The following NEDD4 variants were observed in gnomAD, a reference collection of about 807,000 sequenced individuals.
The protein encoded by NEDD4 is NEDD4 E3 ubiquitin protein ligase.
In NEDD4, 99 loss-of-function variants were observed where a neutral mutation model predicts 144.9. The ratio of observed to expected loss-of-function variants is 0.68; its 90% confidence interval spans 0.58 to 0.81. The LOEUF (loss-of-function observed/expected upper bound fraction) is 0.81, where lower values mean the gene tolerates loss of function less well. Among genes scored for constraint, NEDD4 ranks in the 30% least tolerant of loss-of-function variants. The pLI, the probability that NEDD4 is intolerant of heterozygous loss-of-function variation, is 0.00. For synonymous variants in NEDD4, 318 were observed against 350.6 expected (o/e 0.91, Z 1.04); for missense variants, 985 against 1,065.9 (o/e 0.92, Z 1.06).
chr15:55,860,239 A>G (rs1219642197), intron 11 of NEDD4, among the ~76,000 whole-genome samples, 168 bp downstream of exon 11: 1 of 152,194 alleles, frequency 6.6e-6, no homozygotes, highest in Non-Finnish European at 1.5e-5. Flanking sequence ...CCATACTACT[A>G]ATGAGGATAT....
Position 55,834,165 on chromosome 15 carries a change from T to C in NEDD4, c.2323-20A>G. 1 of 1,610,474 alleles carries C rather than the reference T, an allele frequency of 6.2e-7. No individual in the cohort carries two copies. Among genetic ancestry groups the C allele is most frequent in the East Asian group, 2.2e-5 (1 of 44,832 alleles). ...AAGAAGCTACATAAGAAATGTCAAA[T>C]TATAAACAAGGAAAATAATGGGTTC... On this transcript the variant is annotated intron_variant, in intron 25 of 28. Transcript: ENST00000435532.
At position 55,861,216 on chromosome 15, in the gene NEDD4, G is replaced by T. The variant is rs572392727; in HGVS notation, c.675-438C>A. On this transcript the variant is annotated intron_variant, in intron 9 of 28. Coordinates refer to ENST00000435532, the MANE Select transcript of NEDD4 (RefSeq NM_006154.4). ...TTTTCTAGAATTGGTCTTAAGCCAG[G>T]AGTAGAGTACTCCATGCATGAATGT... Among the ~76,000 whole-genome samples, 3 of 152,294 alleles carry T rather than the reference G, an allele frequency of 2.0e-5. No individual in the cohort carries two copies. The South Asian group carries it at 6.2e-4, about 32-fold the overall frequency.
At chr15:55,901,171 A>G (rs1311385476) in intron 5 of NEDD4, among the ~76,000 whole-genome samples, 1 of 152,146 alleles carries the variant, frequency 6.6e-6, no homozygotes, top group East Asian at 1.9e-4. Context: ...TGGAGTACCT[A>G]TCCCCTCAAG....
chr15:55,874,827 A>G (rs2034931695), intron 5 of NEDD4, among the ~76,000 whole-genome samples: 1 of 152,134 alleles, frequency 6.6e-6, no homozygotes, highest in Non-Finnish European at 1.5e-5. Flanking sequence ...TACAAAAATT[A>G]GCCAGGTGTG....
At chr15:55,856,037 T>C (rs2034180252) in intron 12 of NEDD4, 94 bp downstream of exon 12, 1 of 1,092,860 alleles carries the variant, frequency 9.2e-7, no homozygotes, top group Non-Finnish European at 1.4e-6. Context: ...ATTGGCTCCC[T>C]GTAAGGCAAA....
intron 1 of NEDD4, among the ~76,000 whole-genome samples, chr15:55,975,234 C>T (rs545461826): frequency 2.0e-4 from 31 of 151,908 alleles, no homozygotes; most frequent in South Asian, 4.2e-4. Context: ...ACTGGAAGTC[C>T]TAGCTAGAGA....
intron 1 of NEDD4, among the ~76,000 whole-genome samples, chr15:55,970,353 A>G (rs2037587028): frequency 6.6e-6 from 1 of 152,148 alleles, no homozygotes; most frequent in Non-Finnish European, 1.5e-5. Flanking sequence ...CTGCACTGAA[A>G]AGAAAGACCC....
intron 5 of NEDD4, among the ~76,000 whole-genome samples, chr15:55,921,013 A>G (rs1366040189): frequency 1.3e-5 from 2 of 152,222 alleles, no homozygotes; most frequent in Admixed American, 6.5e-5. Flanking sequence ...ACTAAATGGT[A>G]TATCTTAGCT....
chr15:55,922,904 A>G (rs974623817), intron 5 of NEDD4, among the ~76,000 whole-genome samples: 2 of 152,140 alleles, frequency 1.3e-5, no homozygotes, highest in Non-Finnish European at 2.9e-5. Context: ...GCTTTTTTGT[A>G]TGTATATTTC....
At chr15:55,991,226 A>G (rs1324000612) in intron 1 of NEDD4, among the ~76,000 whole-genome samples, 3 of 152,172 alleles carry the variant, frequency 2.0e-5, no homozygotes, top group Non-Finnish European at 4.4e-5. Context: ...GCCTATTTCC[A>G]GACTAGTCTG....
chr15:55,879,603 G>T (rs2035112656), intron 5 of NEDD4, among the ~76,000 whole-genome samples: 1 of 152,076 alleles, frequency 6.6e-6, no homozygotes, highest in Non-Finnish European at 1.5e-5. Context: ...TGAAAGACGG[G>T]AGTCTGATGA....
In NEDD4 at chr15:55,877,127, A is replaced by C. The variant is rs1424544834; in HGVS notation, c.292-3119T>G. Among the ~76,000 whole-genome samples, 3 of 152,210 alleles carry C rather than the reference A, an allele frequency of 2.0e-5. No homozygotes were observed. In the East Asian group the frequency reaches 5.8e-4, roughly 29 times the overall value. On this transcript the variant is annotated intron_variant, in intron 5 of 28. Coordinates refer to ENST00000435532, the MANE Select transcript of NEDD4 (RefSeq NM_006154.4). ...CATCTTAAATAACCATATTATGATG[A>C]TCAAAACCAGAAATACTATTAACTA... is the stretch of plus-strand genomic sequence containing the variant.
chr15:55,861,870 G>A (rs28444575), intron 9 of NEDD4, among the ~76,000 whole-genome samples: 32,900 of 152,010 alleles, frequency 0.22, 3,867 homozygotes, highest in Non-Finnish European at 0.26. Flanking sequence ...TTACTGTACC[G>A]TAGCTAAAGA....
intron 5 of NEDD4, among the ~76,000 whole-genome samples, chr15:55,907,577 A>T (rs1473620121): frequency 3.3e-5 from 5 of 152,210 alleles, no homozygotes; most frequent in African/African-American, 1.2e-4. Context: ...AATACTTGTT[A>T]AACTCATTTG....
At chr15:55,974,448 G>A (rs185209887) in intron 1 of NEDD4, among the ~76,000 whole-genome samples, 30 of 151,980 alleles carry the variant, frequency 2.0e-4, no homozygotes, top group Non-Finnish European at 3.5e-4. Context: ...ATCAAAACCA[G>A]ACAAAGATCC....
intron 5 of NEDD4, among the ~76,000 whole-genome samples, chr15:55,901,912 AT>A (rs1254251762): frequency 6.6e-6 from 1 of 152,106 alleles, no homozygotes; most frequent in Non-Finnish European, 1.5e-5. Context: ...TGTTTCATAA[AT>A]TTTATATTAT....
chr15:55,968,451 G>A (rs1048120241), intron 1 of NEDD4, among the ~76,000 whole-genome samples: 2 of 151,868 alleles, frequency 1.3e-5, no homozygotes, highest in African/African-American at 4.8e-5. Context: ...AAAAAAACAA[G>A]GGGATATTTT....
At chr15:55,908,357 C>G (rs2036166309) in intron 5 of NEDD4, among the ~76,000 whole-genome samples, 1 of 152,190 alleles carries the variant, frequency 6.6e-6, no homozygotes, top group Non-Finnish European at 1.5e-5. Flanking sequence ...ATTGCCATAT[C>G]TCCATCTTTA....
chr15:55,840,611 A>C lies in NEDD4; in HGVS notation c.1955T>G (p.Leu652Trp), dbSNP rs761017280. The C allele has an allele frequency of 1.9e-6, 3 of 1,614,110 alleles. No individual in the cohort carries two copies. The South Asian group carries it at 3.3e-5, about 18-fold the overall frequency. Residue 652 changes from leucine (L) to tryptophan (W), a missense_variant, in exon 20 of 29, where the codon TTG (leucine) becomes TGG (tryptophan). Transcript: ENST00000435532. ...AGMAVYHGKL[L>W]DGFFIRPFYK... is the part of the protein sequence containing the mutation. ...AGTTTATACTTAATACTAACCATCC[A>C]ACAGTTTGCCATGATAAACTGCCAT...
Sources: gnomAD v4.1 joint callset for allele counts (sites outside exome capture counted in the v4.1 genomes callset) on GRCh38, gnomAD v4.1.1 for gene constraint, MANE v1.5 for transcripts, NCBI Gene and HGNC (gene_info 2026-07-23, HGNC 2026-07-21) for gene names.